Variants in CGNL1 observed in about 807,000 individuals in gnomAD.
CGNL1 encodes cingulin-like protein 1.
Under a neutral mutation model 141.2 loss-of-function variants are expected in CGNL1, and 132 were observed. The observed-to-expected ratio is 0.93, with a 90% CI of 0.81 to 1.08. The LOEUF is 1.08. CGNL1 is among the 50% of genes least tolerant of loss of function. The pLI, the probability that CGNL1 is intolerant of heterozygous loss-of-function variation, is 0.00. For missense variants in CGNL1, 1,870 were observed against 1,588.6 expected, an observed-to-expected ratio of 1.18 and a Z score of -3.01; for synonymous variants, 690 against 622.1, an observed-to-expected ratio of 1.11 and a Z score of -1.63.
intron 8 of CGNL1, among the ~76,000 whole-genome samples, chr15:57,513,250 ATGGGTG>A (rs2030477235): frequency 1.1e-5 from 1 of 92,786 alleles, no homozygotes; most frequent in South Asian, 3.4e-4. Context: ...AAATGTCAAT[ATGGGTG>A]TGTGTGTGTG....
chr15:57,442,508 G>A (rs1163027615), intron 4 of CGNL1, 30 bp downstream of exon 4: 2 of 1,332,082 alleles, frequency 1.5e-6, no homozygotes, highest in African/African-American at 1.4e-5. Flanking sequence ...TTTGTAGAGT[G>A]CATTTAGCAT....
intron 4 of CGNL1, among the ~76,000 whole-genome samples, chr15:57,444,586 C>A (rs1486488911): frequency 1.3e-5 from 2 of 152,188 alleles, no homozygotes; most frequent in African/African-American, 4.8e-5. Flanking sequence ...ACAGCCTGAA[C>A]TGGGTAAGTC....
At chr15:57,539,989 C>T (rs1166884409) in intron 14 of CGNL1, among the ~76,000 whole-genome samples, 1 of 152,172 alleles carries the variant, frequency 6.6e-6, no homozygotes, top group African/African-American at 2.4e-5. Flanking sequence ...CTTTCCTAAG[C>T]ACAATAAATC....
chr15:57,493,482 C>T, intron 8 of CGNL1, among the ~76,000 whole-genome samples: 1 of 152,134 alleles, frequency 6.6e-6, no homozygotes, highest in East Asian at 1.9e-4. Context: ...AGCCCAAGTA[C>T]AATATGGCAG....
At chr15:57,432,803 A>G (rs1331832576) in intron 1 of CGNL1, among the ~76,000 whole-genome samples, 1 of 152,200 alleles carries the variant, frequency 6.6e-6, no homozygotes, top group Non-Finnish European at 1.5e-5. Flanking sequence ...AAATTATTGG[A>G]TTGAGGTTTG....
intron 1 of CGNL1, among the ~76,000 whole-genome samples, chr15:57,410,869 C>T (rs1461367874): frequency 2.6e-5 from 4 of 152,104 alleles, no homozygotes; most frequent in Non-Finnish European, 4.4e-5. Context: ...AAGTTCGTAA[C>T]GTTTGTGTCT....
rs140429069 is a variant in CGNL1, at chr15:57,482,821, G to A, written c.2403+20929G>A. Among the ~76,000 whole-genome samples the A allele has an allele frequency of 2.8e-3, 398 of 144,138 alleles. 11 individuals are homozygous for A. The East Asian group carries it at 0.069, about 25-fold the overall frequency. 94.6% of individuals were successfully genotyped at this position (144,138 alleles called of 152,430 possible). On this transcript the variant is annotated intron_variant, in intron 8 of 18. Transcript: ENST00000281282. ...TTTTTTGAGATGGAGTTTCACTCTT[G>A]TTGCCCAGACTGGAGTGCAATGGCA...
chr15:57,457,009 A>C (rs755301623), intron 7 of CGNL1, among the ~76,000 whole-genome samples: 1 of 152,242 alleles, frequency 6.6e-6, no homozygotes, highest in African/African-American at 2.4e-5. Flanking sequence ...TTTATAAAAA[A>C]GGCAGCCAAA....
chr15:57,508,961 T>C (rs370492342), intron 8 of CGNL1, among the ~76,000 whole-genome samples: 25 of 152,190 alleles, frequency 1.6e-4, no homozygotes, highest in African/African-American at 5.3e-4. Flanking sequence ...AGGGATGAAG[T>C]GTGCTAGTTA....
At chr15:57,386,841 T>C (rs958741796) in intron 1 of CGNL1, among the ~76,000 whole-genome samples, 1 of 152,212 alleles carries the variant, frequency 6.6e-6, no homozygotes, top group African/African-American at 2.4e-5. Flanking sequence ...TTGTAGCTTG[T>C]GTATTTTTAC....
chr15:57,483,154 G>C (rs1226371620), intron 8 of CGNL1, among the ~76,000 whole-genome samples: 1 of 152,158 alleles, frequency 6.6e-6, no homozygotes, highest in Non-Finnish European at 1.5e-5. Flanking sequence ...AGTTTTGATA[G>C]GTTGAGTATG....
rs573627220 is a variant in CGNL1, at chr15:57,545,978, C to A, written c.3610-98C>A. 29 of 1,389,752 alleles carry A rather than the reference C, an allele frequency of 2.1e-5. No individual in the cohort carries two copies. The East Asian group carries it at 6.7e-4, about 32-fold the overall frequency. The allele number at this position is 1,389,752 out of a possible 1,614,324, so 86.1% of individuals were successfully genotyped here. A position where few individuals can be genotyped will look rare whatever the true frequency, so the allele number is the denominator to read the frequency against. Reference sequence around the variant, plus strand: ...AGACTGGCTGCCCCATTGCCCATGTCTTGGTTGCCTGGGGAGATGGTGGCT... The same window carrying A: ...AGACTGGCTGCCCCATTGCCCATGTATTGGTTGCCTGGGGAGATGGTGGCT... On this transcript the variant is annotated intron_variant, in intron 17 of 18. Coordinates refer to ENST00000281282, the MANE Select transcript of CGNL1 (RefSeq NM_032866.5).
chr15:57,409,881 G>A (rs1474068702), intron 1 of CGNL1, among the ~76,000 whole-genome samples: 1 of 152,202 alleles, frequency 6.6e-6, no homozygotes, highest in Non-Finnish European at 1.5e-5. Context: ...AAAATCAAGT[G>A]GGAAGGGAAT....
At chr15:57,496,876 G>A (rs763112562) in intron 8 of CGNL1, among the ~76,000 whole-genome samples, 33 of 152,166 alleles carry the variant, frequency 2.2e-4, no homozygotes, top group Non-Finnish European at 4.1e-4. Context: ...CACAGTGTCT[G>A]GCCACCAACA....
chr15:57,438,476 G>A lies in CGNL1; in HGVS notation c.477G>A (p.Lys159=). 1 of 1,614,154 alleles carries A rather than the reference G, an allele frequency of 6.2e-7. No individual in the cohort carries two copies. The highest frequency in any genetic ancestry group is 8.5e-7 in the Non-Finnish European group (1 of 1,180,034). Residue 159 remains lysine, a synonymous_variant, in exon 2 of 19, where the codon AAG becomes AAA. Transcript: ENST00000281282. ...TTTTGCAACCCTATGACCCTGAAAA[G>A]AATGAGTTGAATTTACAAAATCACC... ...PELLQPYDPE[K]NELNLQNHQP...
At chr15:57,421,391 T>C (rs1451150817) in intron 1 of CGNL1, among the ~76,000 whole-genome samples, 3 of 152,152 alleles carry the variant, frequency 2.0e-5, no homozygotes, top group Non-Finnish European at 4.4e-5. Flanking sequence ...CCAAATTTCC[T>C]AATTCGTTTT....
At chr15:57,534,791 CT>C (rs1439284713) in intron 14 of CGNL1, among the ~76,000 whole-genome samples, 1 of 152,208 alleles carries the variant, frequency 6.6e-6, no homozygotes, top group Non-Finnish European at 1.5e-5. Context: ...TCGGCCCTGC[CT>C]TCCTAGCAAA....
At chr15:57,377,849 A>G (rs2062382347) in intron 1 of CGNL1, among the ~76,000 whole-genome samples, 2 of 146,654 alleles carry the variant, frequency 1.4e-5, no homozygotes, top group Admixed American at 1.3e-4. Flanking sequence ...AAAAGGAGAA[A>G]AAATACTTTA....
intron 8 of CGNL1, 100 bp downstream of exon 8, chr15:57,461,992 G>A (rs1396198086): frequency 2.3e-6 from 2 of 867,258 alleles, no homozygotes; most frequent in Non-Finnish European, 3.8e-6. Context: ...TTTAATTAGA[G>A]AGTGAATCTC....
Sources: allele counts gnomAD v4.1 joint callset (sites outside exome capture counted in the v4.1 genomes callset), GRCh38; gene constraint gnomAD v4.1.1; transcripts MANE v1.5; gene names NCBI Gene and HGNC (gene_info 2026-07-23, HGNC 2026-07-21).